CD96: variants seen among roughly 807,000 people sequenced by gnomAD.
CD96 encodes the protein T-cell surface protein tactile.
A neutral mutation model predicts 71.3 loss-of-function variants in CD96; 70 were observed. The ratio of observed to expected loss-of-function variants is 0.98; its 90% CI spans 0.81 to 1.20. The LOEUF (loss-of-function observed/expected upper bound fraction) is 1.20. Ranked by LOEUF, CD96 falls within the 50% of genes most tolerant of loss-of-function variation. CD96 has a pLI of 0.00. For synonymous variants in CD96, 248 were observed against 233.0 expected, an observed-to-expected ratio of 1.06 and a Z score of -0.59; for missense variants, 742 against 677.5, an observed-to-expected ratio of 1.10 and a Z score of -1.06.
At chr3:111,631,128 A>G in intron 10 of CD96, among the ~76,000 whole-genome samples, 1 of 152,210 alleles carries the variant, frequency 6.6e-6, no homozygotes, top group Non-Finnish European at 1.5e-5. Flanking sequence ...TCAACATAGT[A>G]TTGGAAGTTC....
chr3:111,595,965 C>A (rs2107636394), intron 5 of CD96, among the ~76,000 whole-genome samples: 1 of 151,948 alleles, frequency 6.6e-6, no homozygotes, highest in African/African-American at 2.4e-5. Flanking sequence ...AGATCGTGGC[C>A]AGCTTGGCCA....
intron 2 of CD96, among the ~76,000 whole-genome samples, chr3:111,553,736 C>G (rs1431202759): frequency 6.6e-6 from 1 of 151,878 alleles, no homozygotes; most frequent in East Asian, 1.9e-4. Flanking sequence ...AGTTGGTTAA[C>G]TAGTATTTTT....
intron 4 of CD96, among the ~76,000 whole-genome samples, chr3:111,579,941 A>G (rs1306341611): frequency 6.6e-6 from 1 of 152,222 alleles, no homozygotes; most frequent in Non-Finnish European, 1.5e-5. Context: ...CAATGTTAAT[A>G]TTTCTCAGAA....
chr3:111,620,231 C>G (rs555278769), intron 8 of CD96, among the ~76,000 whole-genome samples: 1 of 152,194 alleles, frequency 6.6e-6, no homozygotes, highest in Admixed American at 6.5e-5. Flanking sequence ...CTTATGTGAT[C>G]GTCTGGTTGA....
At chr3:111,562,866 T>G (rs1264944094) in intron 2 of CD96, among the ~76,000 whole-genome samples, 1 of 152,254 alleles carries the variant, frequency 6.6e-6, no homozygotes, top group Non-Finnish European at 1.5e-5. Flanking sequence ...GATCTCCATG[T>G]TAAAGGTCTT....
intron 14 of CD96, among the ~76,000 whole-genome samples, chr3:111,660,609 C>T (rs997813253): frequency 1.3e-5 from 2 of 152,224 alleles, no homozygotes; most frequent in Non-Finnish European, 2.9e-5. Context: ...CACTACCCAA[C>T]TTCAAATTAT....
chr3:111,657,333 A>G (rs569937078), downstream of CD96, among the ~76,000 whole-genome samples: 22 of 151,868 alleles, frequency 1.4e-4, no homozygotes, highest in East Asian at 4.1e-3. Context: ...CAGGAGAATC[A>G]CTTGAACCCA....
chr3:111,583,095 G>A (rs1463615456), intron 4 of CD96, among the ~76,000 whole-genome samples: 1 of 152,136 alleles, frequency 6.6e-6, no homozygotes, highest in African/African-American at 2.4e-5. Context: ...ATATAATGGG[G>A]GTATAAGCAT....
intron 2 of CD96, among the ~76,000 whole-genome samples, chr3:111,555,039 T>C (rs1160696878): frequency 6.6e-6 from 1 of 152,098 alleles, no homozygotes; most frequent in Non-Finnish European, 1.5e-5. Flanking sequence ...AGATCTCAGA[T>C]GGTAATGCAA....
intron 1 of CD96, among the ~76,000 whole-genome samples, chr3:111,543,874 T>G (rs1025506806): frequency 2.6e-5 from 4 of 152,226 alleles, no homozygotes; most frequent in Non-Finnish European, 2.9e-5. Flanking sequence ...TTTACTGTCT[T>G]TGCCTGAAAC....
Position 111,600,830 on chromosome 3 carries a change from T to C in CD96, c.1003T>C (p.Leu335=). ...TAATAAACCAGCCCAATCAGACAAC[T>C]TGACCATTTGGTGTATGGCTCTGTC... ...HSNKPAQSDN[L]TIWCMALSPV... The change falls in exon 7 of 14, where the codon TTG becomes CTG. Residue 335 remains leucine (L), a synonymous_variant. Transcript: ENST00000352690. 1 of 1,613,142 alleles carries C rather than the reference T, an allele frequency of 6.2e-7. No individual in the cohort carries two copies. Among genetic ancestry groups the C allele is most frequent in the Non-Finnish European group, 8.5e-7 (1 of 1,179,086 alleles).
At chr3:111,593,775 G>A (rs770053365) in intron 5 of CD96, 1 of 1,614,188 alleles carries the variant, frequency 6.2e-7, no homozygotes. Context: ...ACCTGCTCCA[G>A]GAGCCTACCC....
intron 5 of CD96, among the ~76,000 whole-genome samples, chr3:111,591,371 TA>T (rs3082283): frequency 0.11 from 9,249 of 87,922 alleles, 468 homozygotes; most frequent in East Asian, 0.28. Context: ...GACTCCATCT[TA>T]AAAAAAAAAA....
At chr3:111,594,130 CTCCT>C (rs757252391) in intron 5 of CD96, 4 of 1,613,936 alleles carry the variant, frequency 2.5e-6, no homozygotes, top group Non-Finnish European at 3.4e-6. Context: ...TCTCTTCCTC[CTCCT>C]TCATCTCTAA....
rs1940063501 is a variant in CD96, at chr3:111,651,270, A to T, written c.*1464A>T. 6.6e-6 allele frequency: 1 copy of T among 152,196 alleles called. No individual in the cohort carries two copies. The highest frequency in any genetic ancestry group is 2.4e-5 in the African/African-American group (1 of 41,416). The allele number at this position is 152,196 out of a possible 1,614,324, so 9.4% of individuals were successfully genotyped here. A position where few individuals can be genotyped will look rare whatever the true frequency, so the allele number is the denominator to read the frequency against. On this transcript the variant is annotated 3_prime_UTR_variant, in exon 14 of 14. Transcript: ENST00000352690. ...ATGAGCCCCAGTGTTCTTGCCTCCT[A>T]CTATTCACATCTTTATGTGGTCCCC...
At chr3:111,611,615 T>C (rs1186020492) in intron 8 of CD96, among the ~76,000 whole-genome samples, 4 of 151,914 alleles carry the variant, frequency 2.6e-5, no homozygotes, top group African/African-American at 9.7e-5. Flanking sequence ...TTTATCAACA[T>C]GTATCTGCTG....
intron 10 of CD96, among the ~76,000 whole-genome samples, chr3:111,628,487 G>GA (rs1273247625): frequency 2.6e-5 from 4 of 152,038 alleles, no homozygotes; most frequent in African/African-American, 7.2e-5. Context: ...AAAACAGAGT[G>GA]AAAAAAATGA....
intron 12 of CD96, among the ~76,000 whole-genome samples, chr3:111,646,176 A>G (rs1434176034): frequency 6.6e-6 from 1 of 152,144 alleles, no homozygotes; most frequent in Non-Finnish European, 1.5e-5. Flanking sequence ...AAGAAATTTC[A>G]CTGGAGTATC....
Position 111,612,351 on chromosome 3 carries a change from A to C in CD96, c.1180+5559A>C, listed in dbSNP as rs904892665. ...ATTGTCTGCCTAAATACAGGGACTA[A>C]AAAGGTTTTCAGAGAACAATCATAC... On this transcript the variant is annotated intron_variant, in intron 8 of 13. Transcript: ENST00000352690. Among the ~76,000 whole-genome samples the C allele has an allele frequency of 3.9e-4, 59 of 152,240 alleles. 1 individual carries two copies. Among genetic ancestry groups the C allele is most frequent in the Admixed American group, 3.9e-4 (6 of 15,286 alleles).
Sources: allele counts gnomAD v4.1 joint callset (sites outside exome capture counted in the v4.1 genomes callset), GRCh38; gene constraint gnomAD v4.1.1; transcripts MANE v1.5; gene names NCBI Gene and HGNC (gene_info 2026-07-23, HGNC 2026-07-21).